EPHA3: variants seen among roughly 807,000 people sequenced by gnomAD.
The protein encoded by EPHA3 is ephrin type-A receptor 3.
EPHA3 carries 42 observed loss-of-function variants against 107.1 expected under a neutral mutation model. The ratio of observed to expected loss-of-function variants is 0.39; its 90% CI spans 0.31 to 0.51. EPHA3 has a LOEUF of 0.51. EPHA3 is among the 20% of genes least tolerant of loss of function. EPHA3 has a pLI of 0.78. For missense variants in EPHA3, 1,183 were observed against 1,211.2 expected, an observed-to-expected ratio of 0.98 and a Z score of 0.35; for synonymous variants, 461 against 424.8, an observed-to-expected ratio of 1.09 and a Z score of -1.05.
Position 89,177,178 on chromosome 3 carries a change from T to C in EPHA3, c.154-32682T>C, listed in dbSNP as rs1439571811. Among the ~76,000 whole-genome samples the C allele has an allele frequency of 2.6e-5, 4 of 152,212 alleles. No individual in the cohort carries two copies. In the East Asian group the frequency reaches 7.7e-4, roughly 29 times the overall value. On this transcript the variant is annotated intron_variant, in intron 2 of 16. Coordinates refer to ENST00000336596, the MANE Select transcript of EPHA3 (RefSeq NM_005233.6). ...ATTATAAGAGTAGTTTTTCTTCTTA[T>C]ATCTGATTCCACATCTTAACAAAAA...
intron 2 of EPHA3, among the ~76,000 whole-genome samples, chr3:89,148,950 T>C (rs1025606881): frequency 1.3e-5 from 2 of 151,996 alleles, no homozygotes; most frequent in African/African-American, 4.8e-5. Context: ...AAACTAATTG[T>C]GAAAAATAGA....
chr3:89,451,104 A>T (rs1709977648), intron 15 of EPHA3, among the ~76,000 whole-genome samples: 1 of 152,198 alleles, frequency 6.6e-6, no homozygotes, highest in South Asian at 2.1e-4. Context: ...GCTAGACACC[A>T]TTGAAGATAA....
At chr3:89,459,553 T>C (rs1176793194) in intron 15 of EPHA3, among the ~76,000 whole-genome samples, 2 of 151,502 alleles carry the variant, frequency 1.3e-5, no homozygotes, top group African/African-American at 4.9e-5. Flanking sequence ...TTTCTTTCTT[T>C]CTTGACAGTG....
chr3:89,418,855 G>A (rs555381914), intron 10 of EPHA3, among the ~76,000 whole-genome samples: 2 of 151,520 alleles, frequency 1.3e-5, no homozygotes, highest in South Asian at 2.1e-4. Context: ...GTGCTGTCCT[G>A]TTAATTTCTC....
chr3:89,444,365 T>C (rs1340165410), intron 13 of EPHA3, among the ~76,000 whole-genome samples: 2 of 93,364 alleles, frequency 2.1e-5, no homozygotes, highest in South Asian at 9.3e-4. Context: ...CGTTTGAAAT[T>C]TCACCTGTAG....
chr3:89,420,355 TAAAAAGG>T (rs1186569645), intron 11 of EPHA3, among the ~76,000 whole-genome samples: 7 of 151,486 alleles, frequency 4.6e-5, no homozygotes, highest in African/African-American at 1.7e-4. Flanking sequence ...TTAGCATGAC[TAAAAAGG>T]CATTTCCTTC....
intron 3 of EPHA3, among the ~76,000 whole-genome samples, chr3:89,308,448 G>GT (rs1198451862): frequency 1.3e-5 from 2 of 152,046 alleles, no homozygotes; most frequent in Non-Finnish European, 2.9e-5. Context: ...TGGGTGGGTG[G>GT]TAGAGGCAGG....
chr3:89,466,983 A>T (rs1710291623), intron 15 of EPHA3, among the ~76,000 whole-genome samples: 1 of 152,100 alleles, frequency 6.6e-6, no homozygotes, highest in Non-Finnish European at 1.5e-5. Context: ...TAAAATAAAC[A>T]CAATGACTTT....
intron 5 of EPHA3, among the ~76,000 whole-genome samples, chr3:89,350,576 C>G (rs1467238901): frequency 1.3e-5 from 2 of 150,634 alleles, no homozygotes; most frequent in East Asian, 1.9e-4. Context: ...CCTCCCATAG[C>G]TCAGAGTAAT....
chr3:89,215,016 C>T (rs995421383), intron 3 of EPHA3, among the ~76,000 whole-genome samples: 6 of 151,770 alleles, frequency 4.0e-5, no homozygotes, highest in African/African-American at 1.5e-4. Flanking sequence ...AAAGGATATA[C>T]CAATAAATAA....
chr3:89,278,855 T>C (rs529320585), intron 3 of EPHA3, among the ~76,000 whole-genome samples: 13 of 152,274 alleles, frequency 8.5e-5, no homozygotes, highest in African/African-American at 3.1e-4. Flanking sequence ...AGAGGATAGA[T>C]TTCATTACTC....
intron 2 of EPHA3, among the ~76,000 whole-genome samples, chr3:89,173,633 G>A (rs1305391568): frequency 2.0e-5 from 3 of 151,998 alleles, no homozygotes; most frequent in Non-Finnish European, 4.4e-5. Flanking sequence ...TGTATTACCA[G>A]AAAGAGAGAA....
At chr3:89,388,556 G>A (rs1315118032) in intron 5 of EPHA3, among the ~76,000 whole-genome samples, 1 of 152,142 alleles carries the variant, frequency 6.6e-6, no homozygotes, top group Non-Finnish European at 1.5e-5. Flanking sequence ...ATCTAGTGTT[G>A]CAGACAGGGA....
At chr3:89,110,915 G>A (rs537496348) in intron 1 of EPHA3, among the ~76,000 whole-genome samples, 48 of 151,882 alleles carry the variant, frequency 3.2e-4, no homozygotes, top group Non-Finnish European at 6.2e-4. Flanking sequence ...GGGGTACAAT[G>A]CACTATTAAT....
At chr3:89,172,656 A>G (rs1705236148) in intron 2 of EPHA3, among the ~76,000 whole-genome samples, 1 of 152,212 alleles carries the variant, frequency 6.6e-6, no homozygotes, top group Non-Finnish European at 1.5e-5. Flanking sequence ...TGTAGGAGGA[A>G]CAAGATTCCC....
In EPHA3 at chr3:89,346,559, T is replaced by G. The variant is rs934002255; in HGVS notation, c.1306+4469T>G. ...GTAGGTTGCGAAAATTTTCTCCCAT[T>G]TTGTAGGTTGCCTGTTCACTCTGAT... On this transcript the variant is annotated intron_variant, in intron 5 of 16. Transcript: ENST00000336596. Among the ~76,000 whole-genome samples the G allele has an allele frequency of 2.2e-4, 33 of 149,324 alleles. 3 individuals carry two copies. The highest frequency in any genetic ancestry group is 5.4e-4 in the Admixed American group (8 of 14,952).
intron 2 of EPHA3, among the ~76,000 whole-genome samples, chr3:89,199,446 A>G (rs541572286): frequency 7.6e-4 from 116 of 152,318 alleles, no homozygotes; most frequent in African/African-American, 2.7e-3. Context: ...CAAATAGCAC[A>G]CTTCATTGAA....
At chr3:89,115,469 T>G (rs1013406855) in intron 1 of EPHA3, among the ~76,000 whole-genome samples, 7 of 152,260 alleles carry the variant, frequency 4.6e-5, no homozygotes, top group African/African-American at 1.4e-4. Context: ...AGAGGGTTTT[T>G]GGGAGCTGTG....
At chr3:89,263,930 G>T (rs1705478742) in intron 3 of EPHA3, among the ~76,000 whole-genome samples, 1 of 151,966 alleles carries the variant, frequency 6.6e-6, no homozygotes, top group African/African-American at 2.4e-5. Flanking sequence ...GTTTTAGGTG[G>T]ACATGAATTT....
Sources: allele counts gnomAD v4.1 joint callset (sites outside exome capture counted in the v4.1 genomes callset), GRCh38; gene constraint gnomAD v4.1.1; transcripts MANE v1.5; gene names NCBI Gene and HGNC (gene_info 2026-07-23, HGNC 2026-07-21).